Variants in TENM2 observed in about 807,000 individuals in gnomAD.
TENM2 encodes teneurin-2.
In TENM2, 52 loss-of-function variants were observed where a neutral mutation model predicts 245.2. That is an observed-to-expected ratio of 0.21 (90% CI 0.17 to 0.27). The LOEUF (loss-of-function observed/expected upper bound fraction) is 0.27. TENM2 is among the 10% of genes least tolerant of loss of function. TENM2 has a pLI of 1.00. For missense variants in TENM2, 3,046 were observed against 3,666.8 expected (o/e 0.83, Z 4.37); for synonymous variants, 1,363 against 1,438.9 (o/e 0.95, Z 1.19).
intron 2 of TENM2, among the ~76,000 whole-genome samples, chr5:167,517,793 C>A (rs1770480886): frequency 6.6e-6 from 1 of 152,118 alleles, no homozygotes; most frequent in African/African-American, 2.4e-5. Context: ...ACCTAGCAGT[C>A]AACTGACTTC....
At chr5:167,989,105 T>C (rs914548011) in intron 4 of TENM2, among the ~76,000 whole-genome samples, 2 of 152,224 alleles carry the variant, frequency 1.3e-5, no homozygotes, top group African/African-American at 4.8e-5. Context: ...AAGGAATATC[T>C]ACCAGTTCAA....
chr5:167,388,902 A>C (rs1761598740), intron 2 of TENM2, among the ~76,000 whole-genome samples: 2 of 151,938 alleles, frequency 1.3e-5, no homozygotes, highest in African/African-American at 4.8e-5. Context: ...TAACTTTTTA[A>C]AGATGAGTAC....
At chr5:167,133,239 C>A in the TENM2 span, among the ~76,000 whole-genome samples, 1 of 152,304 alleles carries the variant, frequency 6.6e-6, no homozygotes, top group South Asian at 2.1e-4. Flanking sequence ...GAGGCCGACA[C>A]ACAGATCCTT....
intron 2 of TENM2, among the ~76,000 whole-genome samples, chr5:167,775,817 T>A (rs148323905): frequency 3.4e-4 from 52 of 152,324 alleles, no homozygotes; most frequent in African/African-American, 1.2e-3. Flanking sequence ...CCAGCAGGTT[T>A]ATTTCTAGGA....
intron 3 of TENM2, among the ~76,000 whole-genome samples, chr5:167,939,773 A>G (rs1200863458): frequency 2.0e-5 from 3 of 152,202 alleles, no homozygotes; most frequent in Admixed American, 2.0e-4. Flanking sequence ...TTTCTGTGCC[A>G]CATCGAGTTC....
intron 2 of TENM2, among the ~76,000 whole-genome samples, chr5:167,407,634 A>T (rs1234965701): frequency 1.3e-5 from 2 of 152,278 alleles, no homozygotes; most frequent in East Asian, 3.9e-4. Flanking sequence ...CCTGGCCAAC[A>T]TGGTGAAATC....
rs186319191 is a variant in TENM2, at chr5:167,912,542, G to A, written c.712+36347G>A. Among the ~76,000 whole-genome samples, 5 of 152,286 alleles carry A rather than the reference G, an allele frequency of 3.3e-5. No individual in the cohort carries two copies. In the East Asian group the frequency reaches 9.7e-4, roughly 29 times the overall value. On this transcript the variant is annotated intron_variant, in intron 3 of 28. Coordinates refer to ENST00000518659, the Ensembl canonical transcript of TENM2. ...ATGTTAACTGAATCAATTATACAAC[G>A]GGAGTGGGAGGAAGGAGTGGGTGAG... is the stretch of plus-strand genomic sequence containing the variant.
At chr5:167,648,992 T>G (rs926628797) in intron 2 of TENM2, among the ~76,000 whole-genome samples, 3 of 152,206 alleles carry the variant, frequency 2.0e-5, no homozygotes, top group African/African-American at 7.2e-5. Context: ...CAGACTTCTT[T>G]TCTCTTCAGA....
intron 6 of TENM2, among the ~76,000 whole-genome samples, chr5:168,048,658 T>C (rs1788820470): frequency 6.6e-6 from 1 of 152,150 alleles, no homozygotes; most frequent in African/African-American, 2.4e-5. Flanking sequence ...AAGCAGTCAT[T>C]TTCCACAAAG....
chr5:167,867,845 C>T (rs558948579), intron 2 of TENM2, among the ~76,000 whole-genome samples: 2 of 152,280 alleles, frequency 1.3e-5, no homozygotes, highest in South Asian at 4.1e-4. Flanking sequence ...TGGGGAAAAG[C>T]ATGCTGAAAC....
chr5:167,332,354 C>G (rs781534714), intron 1 of TENM2, among the ~76,000 whole-genome samples: 1 of 152,034 alleles, frequency 6.6e-6, no homozygotes, highest in Non-Finnish European at 1.5e-5. Flanking sequence ...ATGGATAGCT[C>G]TTGCTATTCT....
chr5:167,422,556 A>G (rs902900473), intron 2 of TENM2, among the ~76,000 whole-genome samples: 1 of 152,218 alleles, frequency 6.6e-6, no homozygotes, highest in Non-Finnish European at 1.5e-5. Context: ...ACATTGGAGT[A>G]TTCTCTAGAA....
intron 3 of TENM2, among the ~76,000 whole-genome samples, chr5:167,936,413 G>C (rs1348808090): frequency 6.6e-6 from 1 of 152,172 alleles, no homozygotes; most frequent in Non-Finnish European, 1.5e-5. Flanking sequence ...TTTACTGAGA[G>C]GTTGATTCCG....
chr5:167,166,814 A>G, the TENM2 span, among the ~76,000 whole-genome samples: 1 of 152,122 alleles, frequency 6.6e-6, no homozygotes, highest in African/African-American at 2.4e-5. Flanking sequence ...TCATAATGTC[A>G]CATTCTTTTG....
intron 2 of TENM2, among the ~76,000 whole-genome samples, chr5:167,772,169 G>T (rs894874442): frequency 2.1e-4 from 32 of 152,008 alleles, no homozygotes; most frequent in African/African-American, 7.7e-4. Flanking sequence ...TAGTAAACTT[G>T]GTCTTTATAA....
At chr5:167,872,494 A>G (rs1398559877) in intron 2 of TENM2, among the ~76,000 whole-genome samples, 1 of 12,764 alleles carries the variant, frequency 7.8e-5, no homozygotes. Context: ...AAAAGAAAGA[A>G]AGAAAGAAAG....
In TENM2 at chr5:168,258,504, A is replaced by AAG. The variant is rs201678795; in HGVS notation, c.7433-1778_7433-1777insGA. ...TGACAGAGCAAGGCTCAGTCTCAAA[A>AAG]AAAAACCAAAAAGTGGAAACAACCC... is the stretch of plus-strand genomic sequence containing the variant. On this transcript the variant is annotated intron_variant, in intron 27 of 28. Transcript: ENST00000518659. Among the ~76,000 whole-genome samples, 1,406 of 152,280 alleles carry AAG rather than the reference A, an allele frequency of 9.2e-3. 23 individuals are homozygous for AAG. The highest frequency in any genetic ancestry group is 0.032 in the African/African-American group (1,343 of 41,546).
At chr5:168,088,223 C>A (rs1251028184) in intron 7 of TENM2, 1 of 152,158 alleles carries the variant, frequency 6.6e-6, no homozygotes, top group Non-Finnish European at 1.5e-5. Flanking sequence ...TCCTTCTCAC[C>A]TCGGCACCAA....
chr5:167,207,200 A>G, the TENM2 span, among the ~76,000 whole-genome samples: 48 of 152,310 alleles, frequency 3.2e-4, 1 homozygote, highest in East Asian at 2.5e-3. Flanking sequence ...AGAAATTGGC[A>G]GACTTCCCCA....
Sources: allele counts gnomAD v4.1 joint callset (sites outside exome capture counted in the v4.1 genomes callset), GRCh38; gene constraint gnomAD v4.1.1; transcripts MANE v1.5; gene names NCBI Gene and HGNC (gene_info 2026-07-23, HGNC 2026-07-21).